Variants in FILIP1L observed in about 807,000 individuals in gnomAD.
The protein encoded by FILIP1L is filamin A-interacting protein 1-like.
FILIP1L carries 55 observed loss-of-function variants against 96.6 expected under a neutral mutation model. The observed-to-expected ratio is 0.57, with a 90% CI of 0.46 to 0.71. The LOEUF (loss-of-function observed/expected upper bound fraction) is 0.71, where lower values mean the gene tolerates loss of function less well. Ranked by LOEUF, FILIP1L falls within the 30% of genes least tolerant of loss-of-function variation. FILIP1L has a pLI of 0.00. For missense variants in FILIP1L, 1,304 were observed against 1,321.2 expected (o/e 0.99, Z 0.20); for synonymous variants, 467 against 473.9 (o/e 0.99, Z 0.19).
chr3:99,858,395 G>T (rs534914124), intron 4 of FILIP1L, among the ~76,000 whole-genome samples: 18 of 152,174 alleles, frequency 1.2e-4, no homozygotes, highest in South Asian at 4.1e-4. Context: ...AACCCGTGAG[G>T]CAGAGGTTGC....
intron 1 of FILIP1L, among the ~76,000 whole-genome samples, chr3:99,949,581 C>G (rs1401902901): frequency 1.3e-5 from 2 of 152,154 alleles, no homozygotes; most frequent in South Asian, 2.1e-4. Flanking sequence ...GAATCTTTCT[C>G]AGGGCACTAA....
At chr3:99,996,907 A>G (rs988708677) in intron 1 of FILIP1L, among the ~76,000 whole-genome samples, 9 of 152,180 alleles carry the variant, frequency 5.9e-5, no homozygotes, top group Non-Finnish European at 1.3e-4. Flanking sequence ...TCACTGGGTC[A>G]ATGAAGAAAT....
At chr3:99,929,835 C>CACCCCTATTGTGGTACAT in intron 3 of FILIP1L, 21 bp downstream of exon 3, 2 of 1,573,086 alleles carry the variant, frequency 1.3e-6, no homozygotes, top group Non-Finnish European at 1.7e-6. Context: ...CCCAGGTACA[C>CACCCCTATTGTGGTACAT]ACCCCTATTG....
At chr3:99,917,605 T>C (rs1400090416) in intron 4 of FILIP1L, among the ~76,000 whole-genome samples, 1 of 152,234 alleles carries the variant, frequency 6.6e-6, no homozygotes, top group Non-Finnish European at 1.5e-5. Flanking sequence ...AATTCTTGGC[T>C]TCTGAGATTT....
chr3:99,977,159 G>A (rs986890674), intron 1 of FILIP1L, among the ~76,000 whole-genome samples: 6 of 152,172 alleles, frequency 3.9e-5, no homozygotes, highest in African/African-American at 1.2e-4. Flanking sequence ...GGCATGTACT[G>A]TACACAGTTC....
chr3:100,081,591 C>T (rs1405986122), intron 1 of FILIP1L, among the ~76,000 whole-genome samples: 1 of 152,034 alleles, frequency 6.6e-6, no homozygotes, highest in South Asian at 2.1e-4. Flanking sequence ...GCCTCTGCAC[C>T]CTAATTGTTG....
intron 4 of FILIP1L, among the ~76,000 whole-genome samples, chr3:99,882,993 C>CTTGCA (rs1379784122): frequency 6.6e-6 from 1 of 151,966 alleles, no homozygotes; most frequent in Non-Finnish European, 1.5e-5. Context: ...ACACCATTAT[C>CTTGCA]TTGCATGCTT....
At chr3:99,974,959 G>A (rs1708926616) in intron 1 of FILIP1L, among the ~76,000 whole-genome samples, 1 of 152,104 alleles carries the variant, frequency 6.6e-6, no homozygotes, top group East Asian at 1.9e-4. Flanking sequence ...AATGTGCAAA[G>A]CTAGAAAATA....
intron 1 of FILIP1L, among the ~76,000 whole-genome samples, chr3:100,095,798 G>A (rs1313262542): frequency 6.6e-6 from 1 of 152,098 alleles, no homozygotes; most frequent in Non-Finnish European, 1.5e-5. Flanking sequence ...AAAAGCTTCT[G>A]CCCAGCAAAG....
intron 4 of FILIP1L, among the ~76,000 whole-genome samples, chr3:99,921,467 A>C (rs2107650830): frequency 6.6e-6 from 1 of 152,326 alleles, no homozygotes; most frequent in South Asian, 2.1e-4. Context: ...CTACCAAGAT[A>C]CTGGAATTGT....
chr3:100,085,140 TG>T (rs573349024), intron 1 of FILIP1L, among the ~76,000 whole-genome samples: 90 of 152,344 alleles, frequency 5.9e-4, no homozygotes, highest in Admixed American at 1.9e-3. Flanking sequence ...GAAACAGTCC[TG>T]ATCAGTTGAA....
At chr3:99,899,557 T>C (rs1028099692) in intron 4 of FILIP1L, among the ~76,000 whole-genome samples, 14 of 152,366 alleles carry the variant, frequency 9.2e-5, no homozygotes, top group African/African-American at 3.1e-4. Flanking sequence ...ATTGCTGTTG[T>C]TGCTTTTTTC....
At chr3:100,101,988 T>A (rs1439026579) in intron 1 of FILIP1L, among the ~76,000 whole-genome samples, 2 of 152,320 alleles carry the variant, frequency 1.3e-5, no homozygotes, top group South Asian at 4.1e-4. Flanking sequence ...CCATGGTGTA[T>A]ATGTGCCACA....
intron 1 of FILIP1L, among the ~76,000 whole-genome samples, chr3:99,947,544 C>T (rs1044789732): frequency 2.0e-5 from 3 of 152,144 alleles, no homozygotes; most frequent in Non-Finnish European, 4.4e-5. Context: ...TTTGTCTGGA[C>T]TTCACAAAAC....
intron 4 of FILIP1L, chr3:99,876,218 G>A: frequency 2.4e-5 from 24 of 985,414 alleles, no homozygotes; most frequent in Non-Finnish European, 2.9e-5. Flanking sequence ...TTACGTCACT[G>A]TTCTGCCTTA....
At chr3:99,869,046 G>T (rs983383544) in intron 4 of FILIP1L, among the ~76,000 whole-genome samples, 1 of 152,154 alleles carries the variant, frequency 6.6e-6, no homozygotes, top group Non-Finnish European at 1.5e-5. Flanking sequence ...CACTTCCTAG[G>T]GGAGTATAAC....
intron 4 of FILIP1L, among the ~76,000 whole-genome samples, chr3:99,876,731 A>G (rs1284082327): frequency 3.9e-5 from 6 of 152,112 alleles, no homozygotes; most frequent in Admixed American, 2.0e-4. Context: ...CTACCAAACA[A>G]TTCTTCAAGT....
intron 1 of FILIP1L, among the ~76,000 whole-genome samples, chr3:100,079,929 G>T (rs937020358): frequency 6.6e-6 from 1 of 151,900 alleles, no homozygotes. Flanking sequence ...TGCATATATG[G>T]GTAATGTCAT....
At chr3:99,870,850 G>A (rs375107675) in intron 4 of FILIP1L, among the ~76,000 whole-genome samples, 132 of 152,286 alleles carry the variant, frequency 8.7e-4, no homozygotes, top group South Asian at 4.4e-3. Context: ...TTTGTGCCCC[G>A]TAAGTGCATC....
Sources: allele counts gnomAD v4.1 joint callset (sites outside exome capture counted in the v4.1 genomes callset), GRCh38; gene constraint gnomAD v4.1.1; transcripts MANE v1.5; gene names NCBI Gene and HGNC (gene_info 2026-07-23, HGNC 2026-07-21).